ATRNL1: variants seen among roughly 807,000 people sequenced by gnomAD.
ATRNL1 encodes attractin-like protein 1.
ATRNL1 carries 95 observed loss-of-function variants against 182.7 expected under a neutral mutation model. That is an observed-to-expected ratio of 0.52 (90% CI 0.44 to 0.62). ATRNL1 has a LOEUF of 0.62. ATRNL1 is among the 20% of genes least tolerant of loss of function. The probability of loss-of-function intolerance (pLI) is 0.00; values close to 1 mark genes in which losing one functional copy is unlikely to be tolerated. For synonymous variants in ATRNL1, 576 were observed against 568.3 expected, an observed-to-expected ratio of 1.01 and a Z score of -0.19; for missense variants, 1,471 against 1,679.5, an observed-to-expected ratio of 0.88 and a Z score of 2.17.
rs17093704 is a variant in ATRNL1, at chr10:115,885,648, C to T, written c.4018+37657C>T. Among the ~76,000 whole-genome samples the T allele has an allele frequency of 9.7e-3, 1,479 of 152,140 alleles. 18 individuals are homozygous for T. The highest frequency in any genetic ancestry group is 0.033 in the African/African-American group (1,360 of 41,486). ...TTCCTTATCAATGTTAACTTTTTTC[C>T]GTATATGCTTTCAGTCTCTCTTGTA... On this transcript the variant is annotated intron_variant, in intron 28 of 28. Transcript: ENST00000355044.
intron 24 of ATRNL1, among the ~76,000 whole-genome samples, chr10:115,492,861 T>G (rs1425587392): frequency 6.6e-6 from 1 of 151,940 alleles, no homozygotes; most frequent in Non-Finnish European, 1.5e-5. Context: ...GCCAGGATAG[T>G]CTCAGTCTCC....
chr10:115,508,141 T>C (rs983327395), intron 24 of ATRNL1, among the ~76,000 whole-genome samples: 1 of 152,054 alleles, frequency 6.6e-6, no homozygotes, highest in South Asian at 2.1e-4. Flanking sequence ...ATTATTACTA[T>C]ATAGATTATG....
chr10:115,943,579 C>A (rs529201860), intron 28 of ATRNL1, among the ~76,000 whole-genome samples: 1 of 149,992 alleles, frequency 6.7e-6, no homozygotes, highest in Non-Finnish European at 1.5e-5. Context: ...GGTGGAAATA[C>A]AAAATGGCAC....
At chr10:115,120,618 A>T (rs1443547277) in intron 2 of ATRNL1, among the ~76,000 whole-genome samples, 3 of 152,082 alleles carry the variant, frequency 2.0e-5, no homozygotes, top group Non-Finnish European at 4.4e-5. Flanking sequence ...TTAGCATTTT[A>T]GTTCAAAGGG....
chr10:115,808,678 C>T lies in ATRNL1; in HGVS notation c.3904-39199C>T, dbSNP rs376719784. 1.4e-4 allele frequency among the ~76,000 whole-genome samples: 22 copies of T among 152,240 alleles called. No individual in the cohort carries two copies. In the South Asian group the frequency reaches 4.6e-3, roughly 32 times the overall value. On this transcript the variant is annotated intron_variant, in intron 27 of 28. Transcript: ENST00000355044. ...CAAAATTTTCAGTTGCTCCACACACCATTAATTCTTGAACTAGTCAGCATT... is the reference window on the plus strand; with the variant it reads ...CAAAATTTTCAGTTGCTCCACACACTATTAATTCTTGAACTAGTCAGCATT...
At chr10:115,440,322 T>C (rs1201958198) in intron 21 of ATRNL1, among the ~76,000 whole-genome samples, 1 of 151,892 alleles carries the variant, frequency 6.6e-6, no homozygotes, top group African/African-American at 2.4e-5. Context: ...CTGGGGATTA[T>C]ATATGCTCAT....
intron 27 of ATRNL1, among the ~76,000 whole-genome samples, chr10:115,776,188 C>T (rs916414419): frequency 5.3e-5 from 8 of 151,952 alleles, no homozygotes; most frequent in Admixed American, 2.0e-4. Flanking sequence ...TATTATCTAG[C>T]GAGTAAATTC....
chr10:115,774,471 TA>T (rs1949073039), intron 27 of ATRNL1, among the ~76,000 whole-genome samples: 1 of 144,608 alleles, frequency 6.9e-6, no homozygotes, highest in Non-Finnish European at 1.5e-5. Flanking sequence ...TAGTGAAAGC[TA>T]GGGGTGGCTT....
At chr10:115,196,701 A>T (rs1554891160) in intron 8 of ATRNL1, among the ~76,000 whole-genome samples, 1 of 152,118 alleles carries the variant, frequency 6.6e-6, no homozygotes, top group Non-Finnish European at 1.5e-5. Flanking sequence ...AAAAATTTAA[A>T]TTTATAACAG....
chr10:115,582,850 GT>G (rs1382395425), intron 26 of ATRNL1, among the ~76,000 whole-genome samples: 1 of 148,838 alleles, frequency 6.7e-6, no homozygotes, highest in African/African-American at 2.5e-5. Context: ...TAAAGCCTAG[GT>G]TTTCTTCTAG....
intron 13 of ATRNL1, among the ~76,000 whole-genome samples, chr10:115,273,017 C>T (rs952294339): frequency 6.6e-5 from 10 of 152,170 alleles, no homozygotes; most frequent in Non-Finnish European, 4.4e-5. Flanking sequence ...TCAGTAAAAA[C>T]AAAATGCTTC....
At chr10:115,488,025 T>C (rs1403814316) in intron 24 of ATRNL1, among the ~76,000 whole-genome samples, 1 of 152,208 alleles carries the variant, frequency 6.6e-6, no homozygotes. Flanking sequence ...TGGACTAGTT[T>C]ATTGATTTGC....
At chr10:115,887,713 AG>A (rs1555110133) in intron 28 of ATRNL1, among the ~76,000 whole-genome samples, 1 of 149,302 alleles carries the variant, frequency 6.7e-6, no homozygotes, top group Non-Finnish European at 1.5e-5. Flanking sequence ...TCCTCTTCTC[AG>A]TGAGTGGCAT....
chr10:115,674,138 T>G (rs1555042230), intron 26 of ATRNL1, among the ~76,000 whole-genome samples: 1 of 152,040 alleles, frequency 6.6e-6, no homozygotes, highest in East Asian at 1.9e-4. Context: ...ACAATAATGC[T>G]TACCAAATAT....
chr10:115,426,202 TTTTGAATTGCA>T (rs1554962851), intron 20 of ATRNL1, 37 bp from the exon 21 acceptor site: 1 of 1,505,804 alleles, frequency 6.6e-7, no homozygotes, highest in Non-Finnish European at 9.2e-7. Flanking sequence ...AACATGAGGC[TTTTGAATTGCA>T]TTGTTTAATA....
chr10:115,830,551 T>G (rs1950536421), intron 27 of ATRNL1, among the ~76,000 whole-genome samples: 1 of 152,148 alleles, frequency 6.6e-6, no homozygotes, highest in Admixed American at 6.5e-5. Context: ...TAGTTCACAT[T>G]GGGTTTGTGT....
At position 115,261,320 on chromosome 10, in the gene ATRNL1, T is replaced by C. The variant is rs187624855; in HGVS notation, c.1688-3873T>C. On this transcript the variant is annotated intron_variant, in intron 10 of 28. Coordinates refer to ENST00000355044, the MANE Select transcript of ATRNL1 (RefSeq NM_207303.4). ...AAAAATATACCTCCAATGTACACTT[T>C]ATTTAGATACTTTAGGATTATATCT... 6.1e-4 allele frequency among the ~76,000 whole-genome samples: 93 copies of C among 152,314 alleles called. 1 individual carries two copies. The highest frequency in any genetic ancestry group is 2.0e-3 in the African/African-American group (85 of 41,574).
chr10:115,313,249 T>TC (rs1854124974), intron 17 of ATRNL1, among the ~76,000 whole-genome samples: 1 of 152,098 alleles, frequency 6.6e-6, no homozygotes, highest in Admixed American at 6.5e-5. Flanking sequence ...CCTTCTTATT[T>TC]CTGTAGGTTC....
rs114463197 is a variant in ATRNL1 at position 115,121,661 on chromosome 10, A to G, written c.378-38A>G. ...TGTATTTATTCACTCTGTGCTTTGTATATTTTAATTTGAAAAATATTTCAT... is the reference window on the plus strand; with the variant it reads ...TGTATTTATTCACTCTGTGCTTTGTGTATTTTAATTTGAAAAATATTTCAT... On this transcript the variant is annotated intron_variant, in intron 2 of 28. Coordinates refer to ENST00000355044, the MANE Select transcript of ATRNL1 (RefSeq NM_207303.4). 1.2e-3 allele frequency: 1,094 copies of G among 904,390 alleles called. 11 individuals are homozygous for G. In the African/African-American group the frequency reaches 0.016, roughly 13 times the overall value. 56.0% of individuals were successfully genotyped at this position (904,390 alleles called of 1,614,324 possible).
Sources: allele counts gnomAD v4.1 joint callset (sites outside exome capture counted in the v4.1 genomes callset), GRCh38; gene constraint gnomAD v4.1.1; transcripts MANE v1.5; gene names NCBI Gene and HGNC (gene_info 2026-07-23, HGNC 2026-07-21).